DRG1: variants seen among roughly 807,000 people sequenced by gnomAD.
DRG1 encodes the protein developmentally-regulated GTP-binding protein 1.
In DRG1, 19 loss-of-function variants were observed where a neutral mutation model predicts 38.8. The ratio of observed to expected loss-of-function variants is 0.49; its 90% CI spans 0.34 to 0.72. The LOEUF is 0.72. Ranked by LOEUF, DRG1 falls within the 30% of genes least tolerant of loss-of-function variation. The pLI is 0.01. For synonymous variants in DRG1, 167 were observed against 157.5 expected, an observed-to-expected ratio of 1.06 and a Z score of -0.45; for missense variants, 299 against 444.8, an observed-to-expected ratio of 0.67 and a Z score of 2.95.
chr22:31,404,910 A>G lies in DRG1; in HGVS notation c.342+1706A>G, dbSNP rs2049981185. Among the ~76,000 whole-genome samples, 3 of 152,202 alleles carry G rather than the reference A, an allele frequency of 2.0e-5. No homozygotes were observed. In the South Asian group the frequency reaches 6.2e-4, roughly 32 times the overall value. ...AGATGTTAGATTACAGGCGTGAGCC[A>G]CTGCACCAGGCCCCATGATTTAAAT... is the stretch of plus-strand genomic sequence containing the variant. On this transcript the variant is annotated intron_variant, in intron 3 of 8. Coordinates refer to ENST00000331457, the MANE Select transcript of DRG1 (RefSeq NM_004147.4).
At chr22:31,408,490 A>G (rs1483422567) in intron 3 of DRG1, among the ~76,000 whole-genome samples, 8 of 151,802 alleles carry the variant, frequency 5.3e-5, no homozygotes, top group Non-Finnish European at 1.2e-4. Flanking sequence ...TCTCATGCCT[A>G]TAATCCCAGC....
intron 4 of DRG1, among the ~76,000 whole-genome samples, chr22:31,417,242 C>T (rs1330769087): frequency 6.7e-5 from 10 of 149,660 alleles, no homozygotes; most frequent in South Asian, 6.4e-4. Flanking sequence ...TGGTGGTGCG[C>T]GCCTGTAGTC....
At chr22:31,432,116 G>A (rs908144283) in intron 8 of DRG1, among the ~76,000 whole-genome samples, 9 of 149,696 alleles carry the variant, frequency 6.0e-5, no homozygotes, top group Admixed American at 2.7e-4. Flanking sequence ...TTCTGTTGCC[G>A]CCCAGGCTGG....
chr22:31,410,140 G>A (rs987805964), intron 3 of DRG1, among the ~76,000 whole-genome samples: 1 of 152,110 alleles, frequency 6.6e-6, no homozygotes, highest in Non-Finnish European at 1.5e-5. Flanking sequence ...GGGTTGTTAG[G>A]CATTTTCAAG....
At chr22:31,419,068 G>T (rs2050060863) in intron 4 of DRG1, among the ~76,000 whole-genome samples, 1 of 152,098 alleles carries the variant, frequency 6.6e-6, no homozygotes, top group Admixed American at 6.6e-5. Context: ...TCTCGCTTCA[G>T]CCTCCCAAAG....
At chr22:31,428,745 G>C (rs2050124299) in intron 8 of DRG1, among the ~76,000 whole-genome samples, 1 of 152,116 alleles carries the variant, frequency 6.6e-6, no homozygotes, top group South Asian at 2.1e-4. Flanking sequence ...TATTTCCTTA[G>C]ACTTTCACTG....
intron 3 of DRG1, among the ~76,000 whole-genome samples, chr22:31,408,975 G>A (rs528482823): frequency 8.8e-4 from 133 of 151,954 alleles, no homozygotes; most frequent in Middle Eastern, 3.2e-3. Flanking sequence ...TGTGCTGTGG[G>A]GTTGGTTTTT....
rs144674118 is a variant in DRG1, at chr22:31,411,056, A to G, written c.387A>G (p.Lys129=). 5,984 of 1,613,918 alleles carry G rather than the reference A, an allele frequency of 3.7e-3. 22 individuals are homozygous for G. Among genetic ancestry groups the G allele is most frequent in the Middle Eastern group, 7.3e-3 (44 of 6,060 alleles). The change falls in exon 4 of 9, where the codon AAA becomes AAG. Residue 129 remains lysine, a synonymous_variant. Coordinates refer to ENST00000331457, the MANE Select transcript of DRG1 (RefSeq NM_004147.4). ...TCATTGAAGGTGCCAAGGATGGGAAAGGTAGAGGTCGTCAAGTCATTGCAG... is the reference window on the plus strand; with the variant it reads ...TCATTGAAGGTGCCAAGGATGGGAAGGGTAGAGGTCGTCAAGTCATTGCAG... The part of the protein sequence containing the change: ...PGIIEGAKDG[K]GRGRQVIAVA...
At chr22:31,426,898 G>C in intron 7 of DRG1, 116 bp downstream of exon 7, 1 of 1,493,404 alleles carries the variant, frequency 6.7e-7, no homozygotes. Context: ...TAAGTAAATT[G>C]GTTCCTATTA....
rs375994847 is a variant in DRG1, at chr22:31,405,677, GT to G, written c.342+2474del. On this transcript the variant is annotated intron_variant, in intron 3 of 8. Coordinates refer to ENST00000331457, the MANE Select transcript of DRG1 (RefSeq NM_004147.4). ...CTCATACTGTTGGGCATGTGTGTGT[GT>G]GTGGGGGGGTTTATTTATTTTTTTA... 5.7e-4 allele frequency among the ~76,000 whole-genome samples: 84 copies of G among 146,350 alleles called. 1 individual carries two copies. Among genetic ancestry groups the G allele is most frequent in the Admixed American group, 2.1e-3 (31 of 14,570 alleles).
At chr22:31,426,914 T>C in intron 7 of DRG1, 132 bp downstream of exon 7, 1 of 1,473,288 alleles carries the variant, frequency 6.8e-7, no homozygotes, top group Non-Finnish European at 9.2e-7. Context: ...TATTATCTAC[T>C]AGGTCATTAG....
chr22:31,408,134 CTTTTTTTTTTTT>C (rs1206312150), intron 3 of DRG1, among the ~76,000 whole-genome samples: 1 of 38,302 alleles, frequency 2.6e-5, no homozygotes, highest in Admixed American at 4.1e-4. Context: ...TTTTTTCCTT[CTTTTTTTTTTTT>C]TTTTTTTTTT....
intron 2 of DRG1, among the ~76,000 whole-genome samples, chr22:31,401,682 G>A (rs1396038538): frequency 6.6e-6 from 1 of 151,832 alleles, no homozygotes; most frequent in Non-Finnish European, 1.5e-5. Flanking sequence ...CTTGAACCCA[G>A]GAGGTTGAGG....
At chr22:31,431,603 A>C (rs1047930490) in intron 8 of DRG1, among the ~76,000 whole-genome samples, 1 of 152,162 alleles carries the variant, frequency 6.6e-6, no homozygotes, top group East Asian at 1.9e-4. Context: ...TTGACATTGC[A>C]GCGAGCCAAG....
chr22:31,423,206 C>T, intron 5 of DRG1, 74 bp from the exon 6 acceptor site: 1 of 1,574,566 alleles, frequency 6.4e-7, no homozygotes, highest in Non-Finnish European at 8.6e-7. Context: ...TTTCCAGGTA[C>T]ATGGATATTG....
chr22:31,433,128 G>C (rs1239052585), intron 8 of DRG1, among the ~76,000 whole-genome samples: 1 of 151,906 alleles, frequency 6.6e-6, no homozygotes, highest in Non-Finnish European at 1.5e-5. Context: ...TGAAGAGGGA[G>C]GCCCTAATTT....
intron 3 of DRG1, 142 bp downstream of exon 3, chr22:31,403,346 A>G: frequency 1.1e-6 from 1 of 924,558 alleles, no homozygotes. Context: ...GAGCAGTACG[A>G]TAATAAAATG....
At chr22:31,401,583 CA>C (rs951167073) in intron 2 of DRG1, among the ~76,000 whole-genome samples, 3,592 of 53,736 alleles carry the variant, frequency 0.067, 149 homozygotes, top group East Asian at 0.37. Context: ...GACTCTGTCT[CA>C]AAAAAAAAAA....
intron 6 of DRG1, among the ~76,000 whole-genome samples, chr22:31,423,886 TAG>T (rs2050093012): frequency 7.4e-6 from 1 of 134,616 alleles, no homozygotes; most frequent in Non-Finnish European, 1.6e-5. Flanking sequence ...TTTTTTGAGA[TAG>T]AGTTTCGCTC....
Sources: allele counts gnomAD v4.1 joint callset (sites outside exome capture counted in the v4.1 genomes callset), GRCh38; gene constraint gnomAD v4.1.1; transcripts MANE v1.5; gene names NCBI Gene and HGNC (gene_info 2026-07-23, HGNC 2026-07-21).